Variants in MAG observed in about 807,000 individuals in gnomAD.
MAG encodes myelin-associated glycoprotein.
A neutral mutation model predicts 60.7 loss-of-function variants in MAG; 30 were observed. The ratio of observed to expected loss-of-function variants is 0.49; its 90% CI spans 0.37 to 0.67. The LOEUF (loss-of-function observed/expected upper bound fraction) is 0.67. Ranked by LOEUF, MAG falls within the 30% of genes least tolerant of loss-of-function variation. The probability of loss-of-function intolerance (pLI) is 0.00; values close to 1 mark genes in which losing one functional copy is unlikely to be tolerated. For synonymous variants in MAG, 384 were observed against 376.8 expected (o/e 1.02, Z -0.22); for missense variants, 795 against 851.7 (o/e 0.93, Z 0.83).
chr19:35,302,372 A>G lies in MAG; in HGVS notation c.971-76A>G, dbSNP rs1162576094. The G allele has an allele frequency of 3.2e-6, 5 of 1,566,800 alleles. No homozygotes were observed. The Admixed American group carries it at 7.0e-5, about 22-fold the overall frequency. On this transcript the variant is annotated intron_variant, in intron 6 of 10. Coordinates refer to ENST00000392213, the MANE Select transcript of MAG (RefSeq NM_002361.4). Reference sequence around the variant, plus strand: ...TAGGTTTGGGGTGGGATCTGGGGTCATATCTGGGGATGGTAGTTGGCTGGC... The same window carrying G: ...TAGGTTTGGGGTGGGATCTGGGGTCGTATCTGGGGATGGTAGTTGGCTGGC...
intron 6 of MAG, 121 bp from the exon 7 acceptor site, chr19:35,302,327 G>A: frequency 2.5e-6 from 3 of 1,206,788 alleles, no homozygotes; most frequent in Non-Finnish European, 2.3e-6. Context: ...GGTCACCTGA[G>A]CCTTCCTGAA....
rs1445339915 is a variant in MAG, at chr19:35,295,887, C to T, written c.321C>T (p.Val107=). Residue 107 remains valine, a synonymous_variant, in exon 4 of 11, where the codon GTC becomes GTT. Coordinates refer to ENST00000392213, the MANE Select transcript of MAG (RefSeq NM_002361.4). The surrounding 1 kb of genome is among the most constrained non-coding windows in gnomAD (Gnocchi z 5.8). ...ACTGCACCCTCCTGCTCAGCAACGT[C>T]AGCCCCGAGCTGGGCGGGAAGTACT... ...LRNCTLLLSN[V]SPELGGKYYF... 2.5e-6 allele frequency: 4 copies of T among 1,614,022 alleles called. No individual in the cohort carries two copies. In the African/African-American group the frequency reaches 4.0e-5, roughly 16 times the overall value.
At chr19:35,296,111 G>T (rs1388405299) in intron 4 of MAG, 130 bp downstream of exon 4, 31 of 1,322,056 alleles carry the variant, frequency 2.3e-5, no homozygotes, top group Non-Finnish European at 3.0e-5. Flanking sequence ...TGATTTGGCT[G>T]GGGGTGCAAA....
chr19:35,305,172 T>G (rs1230810589), intron 7 of MAG, among the ~76,000 whole-genome samples: 4 of 152,046 alleles, frequency 2.6e-5, no homozygotes, highest in African/African-American at 9.7e-5. Context: ...CTCCCTACTC[T>G]TCACCCAGGC....
At chr19:35,299,132 G>T (rs891787340) in intron 4 of MAG, among the ~76,000 whole-genome samples, 5 of 152,126 alleles carry the variant, frequency 3.3e-5, no homozygotes, top group Non-Finnish European at 7.3e-5. Flanking sequence ...GAGGAGAGCC[G>T]CTTGGGAAGT....
At chr19:35,302,409 C>T in intron 6 of MAG, 39 bp from the exon 7 acceptor site, 1 of 1,606,072 alleles carries the variant, frequency 6.2e-7, no homozygotes, top group Non-Finnish European at 8.5e-7. Context: ...GAAGAAGCAC[C>T]TCCTGGGTTC....
At chr19:35,299,043 C>CCACA (rs112793426) in intron 4 of MAG, among the ~76,000 whole-genome samples, 20,954 of 149,050 alleles carry the variant, frequency 0.14, 1,639 homozygotes, top group Non-Finnish European at 0.19. Context: ...CACACCCACA[C>CCACA]CACACACACA....
At position 35,310,165 on chromosome 19, in the gene MAG, A is replaced by G; in HGVS notation, c.1519+4A>G. 6.2e-7 allele frequency: 1 copy of G among 1,600,534 alleles called. No homozygotes were observed. Among genetic ancestry groups the G allele is most frequent in the Non-Finnish European group, 8.5e-7 (1 of 1,171,166 alleles). Reference sequence around the variant, plus strand: ...GAGCTGCCCTTCCAGGGAGCCCGTGAGTGGCGTGGACTTGGGGTGGGAGCC... The same window carrying G: ...GAGCTGCCCTTCCAGGGAGCCCGTGGGTGGCGTGGACTTGGGGTGGGAGCC... On this transcript the variant is annotated splice_donor_region_variant and intron_variant, in intron 8 of 10. Transcript: ENST00000392213.
rs1022455080 is a variant in MAG, at chr19:35,293,077, T to C, written c.-80+873T>C. On this transcript the variant is annotated intron_variant, in intron 1 of 10. Coordinates refer to ENST00000392213, the MANE Select transcript of MAG (RefSeq NM_002361.4). This position sits in a 1 kb window ranked among gnomAD's most constrained non-coding sequence, Gnocchi z 4.0. ...TTTCCCCGCTGTTAAGAGTGCATGG[T>C]CTACCTGCTTGTTTCATGTCTGCCC... 1.3e-5 allele frequency among the ~76,000 whole-genome samples: 2 copies of C among 152,070 alleles called. No individual in the cohort carries two copies. Among genetic ancestry groups the C allele is most frequent in the Admixed American group, 1.3e-4 (2 of 15,258 alleles).
At chr19:35,304,892 T>A (rs1380974176) in intron 7 of MAG, among the ~76,000 whole-genome samples, 1 of 152,142 alleles carries the variant, frequency 6.6e-6, no homozygotes. Context: ...GGGTGTGTTA[T>A]AATTATCCCC....
At position 35,308,978 on chromosome 19, in the gene MAG, G is replaced by A. The variant is rs567361264; in HGVS notation, c.1232-896G>A. ...ACAGGGCCAGACCCTGTCTCTAAACGATAAAAAATAAAGGATTTGTATTTT... is the reference window on the plus strand; with the variant it reads ...ACAGGGCCAGACCCTGTCTCTAAACAATAAAAAATAAAGGATTTGTATTTT... On this transcript the variant is annotated intron_variant, in intron 7 of 10. Coordinates refer to ENST00000392213, the MANE Select transcript of MAG (RefSeq NM_002361.4). Among the ~76,000 whole-genome samples the A allele has an allele frequency of 5.3e-4, 80 of 152,208 alleles. No homozygotes were observed. In the South Asian group the frequency reaches 0.014, roughly 27 times the overall value.
intron 7 of MAG, among the ~76,000 whole-genome samples, chr19:35,306,612 AT>A (rs1294975149): frequency 1.3e-5 from 2 of 150,712 alleles, no homozygotes; most frequent in East Asian, 2.0e-4. Context: ...TAATGTTTTA[AT>A]TTTTTGTAGA....
chr19:35,299,552 A>G lies in MAG; in HGVS notation c.416-2A>G. On this transcript the variant is annotated splice_acceptor_variant, in intron 4 of 10. Coordinates refer to ENST00000392213, the MANE Select transcript of MAG (RefSeq NM_002361.4). LOFTEE classifies it high-confidence loss of function. ...AGCCCTCCCTTTCCCCGCCTCGTAT[A>G]GACACCCCCAACATCGTGGTGCCCC... 6.3e-7 allele frequency: 1 copy of G among 1,580,348 alleles called. No individual in the cohort carries two copies. The highest frequency in any genetic ancestry group is 8.6e-7 in the Non-Finnish European group (1 of 1,156,388).
chr19:35,313,631 C>T lies in MAG; in HGVS notation c.*177C>T. On this transcript the variant is annotated 3_prime_UTR_variant, in exon 11 of 11. Transcript: ENST00000392213. ...CCTCCTTCCCAGCTGCCCCTCCCTG[C>T]CAGCACCCCCACGCCCTCATTACGG... 1 of 598,026 alleles carries T rather than the reference C, an allele frequency of 1.7e-6. No individual in the cohort carries two copies. Among genetic ancestry groups the T allele is most frequent in the Non-Finnish European group, 2.9e-6 (1 of 340,226 alleles). The allele number at this position is 598,026 out of a possible 1,614,324, so 37.0% of individuals were successfully genotyped here. A position where few individuals can be genotyped will look rare whatever the true frequency, so the allele number is the denominator to read the frequency against.
chr19:35,310,892 T>C (rs542000108), intron 9 of MAG, among the ~76,000 whole-genome samples: 16 of 152,212 alleles, frequency 1.1e-4, no homozygotes, highest in African/African-American at 3.1e-4. Flanking sequence ...TTGCCCACAT[T>C]CTATTTTGAC....
chr19:35,310,728 G>A, intron 9 of MAG, 85 bp downstream of exon 9: 1 of 1,150,262 alleles, frequency 8.7e-7, no homozygotes, highest in Non-Finnish European at 1.3e-6. Flanking sequence ...GTGGGTGGGG[G>A]AAGGCAGCAC....
rs201985530 is a variant in MAG, at chr19:35,295,596, C to T, written c.47-17C>T. The stretch of plus-strand genomic sequence containing the variant: ...TAGGACGTGTCCCTGAGCCTCAGCT[C>T]TCCTGCTTGCCCGCAGCCTCCCGAG... On this transcript the variant is annotated splice_polypyrimidine_tract_variant and intron_variant, in intron 3 of 10. Transcript: ENST00000392213. The surrounding 1 kb of genome is among the most constrained non-coding windows in gnomAD (Gnocchi z 5.8). 3.3e-4 allele frequency: 523 copies of T among 1,596,318 alleles called. 6 individuals are homozygous for T. In the African/African-American group the frequency reaches 6.5e-3, roughly 20 times the overall value.
chr19:35,298,207 A>C (rs1464866011), intron 4 of MAG, among the ~76,000 whole-genome samples: 2 of 150,736 alleles, frequency 1.3e-5, no homozygotes. Flanking sequence ...CACACTACAC[A>C]TACATGCACT....
chr19:35,299,706 C>A lies in MAG; in HGVS notation c.568C>A (p.Arg190=), dbSNP rs1427459481. The part of the protein sequence containing the change: ...LGEPAVLGRL[R]EDEGTWVQVS... The stretch of plus-strand genomic sequence containing the variant: ...GGAGCCCGCTGTGCTGGGCCGGCTG[C>A]GGGAGGACGAGGGCACCTGGGTGCA... Residue 190 remains arginine, a synonymous_variant, in exon 5 of 11, where the codon CGG becomes AGG. Coordinates refer to ENST00000392213, the MANE Select transcript of MAG (RefSeq NM_002361.4). 6.3e-7 allele frequency: 1 copy of A among 1,582,864 alleles called. No homozygotes were observed. Among genetic ancestry groups the A allele is most frequent in the Non-Finnish European group, 8.6e-7 (1 of 1,165,676 alleles).
Sources: allele counts gnomAD v4.1 joint callset (sites outside exome capture counted in the v4.1 genomes callset), GRCh38; gene constraint gnomAD v4.1.1; non-coding constraint Gnocchi (gnomAD v3.1); transcripts MANE v1.5; gene names NCBI Gene and HGNC (gene_info 2026-07-23, HGNC 2026-07-21).